The following KCNQ3 variants were observed in gnomAD, a reference collection of about 807,000 sequenced individuals.
KCNQ3 encodes potassium voltage-gated channel subfamily Q member 3.
Under a neutral mutation model 92.5 loss-of-function variants are expected in KCNQ3, and 30 were observed. That is an observed-to-expected ratio of 0.32 (90% CI 0.24 to 0.44). The LOEUF (loss-of-function observed/expected upper bound fraction) is 0.44, where lower values mean the gene tolerates loss of function less well. Ranked by LOEUF, KCNQ3 falls within the 20% of genes least tolerant of loss-of-function variation. The pLI is 1.00. For missense variants in KCNQ3, 913 were observed against 1,140.3 expected, an observed-to-expected ratio of 0.80 and a Z score of 2.87; for synonymous variants, 450 against 468.8, an observed-to-expected ratio of 0.96 and a Z score of 0.52.
At chr8:132,287,741 A>G (rs1016357267) in intron 1 of KCNQ3, among the ~76,000 whole-genome samples, 2 of 152,200 alleles carry the variant, frequency 1.3e-5, no homozygotes, top group East Asian at 3.9e-4. Context: ...GAATAGAAAA[A>G]TTCATAGAGA....
chr8:132,417,854 G>GA (rs1276271327), intron 1 of KCNQ3, among the ~76,000 whole-genome samples: 3 of 152,130 alleles, frequency 2.0e-5, no homozygotes, highest in African/African-American at 4.8e-5. Flanking sequence ...ACAACAACAG[G>GA]AAAAAAACGT....
At chr8:132,440,200 C>T (rs1329505250) in intron 1 of KCNQ3, among the ~76,000 whole-genome samples, 1 of 152,116 alleles carries the variant, frequency 6.6e-6, no homozygotes, top group African/African-American at 2.4e-5. Flanking sequence ...GGTTTGAACT[C>T]TTGGATGCCA....
intron 1 of KCNQ3, among the ~76,000 whole-genome samples, chr8:132,431,719 A>T (rs1026150998): frequency 6.6e-6 from 1 of 152,228 alleles, no homozygotes; most frequent in Non-Finnish European, 1.5e-5. Flanking sequence ...ACATCTGGGG[A>T]TTCTTCACTG....
chr8:132,150,315 C>T (rs1050675827), intron 9 of KCNQ3, among the ~76,000 whole-genome samples: 1 of 152,126 alleles, frequency 6.6e-6, no homozygotes, highest in Non-Finnish European at 1.5e-5. Context: ...TTTGTTTAGC[C>T]TTTGGGTGGC....
chr8:132,249,887 C>T (rs1315865068), intron 1 of KCNQ3, among the ~76,000 whole-genome samples: 2 of 152,196 alleles, frequency 1.3e-5, no homozygotes, highest in African/African-American at 2.4e-5. Context: ...CCCTCCGCAG[C>T]TCCTGGCCCA....
At chr8:132,400,216 C>G (rs1229056673) in intron 1 of KCNQ3, among the ~76,000 whole-genome samples, 5 of 152,168 alleles carry the variant, frequency 3.3e-5, no homozygotes, top group African/African-American at 1.2e-4. Flanking sequence ...CTGGAATCTG[C>G]CTCTTTTGTG....
At chr8:132,413,907 A>G (rs1356406482) in intron 1 of KCNQ3, among the ~76,000 whole-genome samples, 1 of 152,196 alleles carries the variant, frequency 6.6e-6, no homozygotes, top group African/African-American at 2.4e-5. Context: ...CCCATGACAA[A>G]TGAATTCATC....
intron 1 of KCNQ3, among the ~76,000 whole-genome samples, chr8:132,465,514 C>T (rs936253885): frequency 2.0e-5 from 3 of 151,002 alleles, no homozygotes; most frequent in African/African-American, 7.3e-5. Context: ...ATCATAAGGT[C>T]AGGAGGAGAT....
At position 132,175,626 on chromosome 8, in the gene KCNQ3, G is replaced by A; in HGVS notation, c.778-18C>T. The stretch of plus-strand genomic sequence containing the variant: ...ATGAGTTCCTGAAAGAATGAACAGT[G>A]GACATGAAAAGTGGTCACTGGGGAG... On this transcript the variant is annotated intron_variant, in intron 4 of 14. Coordinates refer to ENST00000388996, the MANE Select transcript of KCNQ3 (RefSeq NM_004519.4). 2 of 1,612,972 alleles carry A rather than the reference G, an allele frequency of 1.2e-6. No individual in the cohort carries two copies. The highest frequency in any genetic ancestry group is 1.7e-6 in the Non-Finnish European group (2 of 1,179,416).
At chr8:132,363,137 A>T (rs1223627002) in intron 1 of KCNQ3, among the ~76,000 whole-genome samples, 1 of 152,196 alleles carries the variant, frequency 6.6e-6, no homozygotes, top group Non-Finnish European at 1.5e-5. Context: ...CAAACCAGCC[A>T]CTTGTAGGAG....
chr8:132,299,337 C>T (rs1370860530), intron 1 of KCNQ3, among the ~76,000 whole-genome samples: 1 of 152,072 alleles, frequency 6.6e-6, no homozygotes, highest in African/African-American at 2.4e-5. Context: ...CACACTAATG[C>T]TACTGGATTA....
intron 1 of KCNQ3, among the ~76,000 whole-genome samples, chr8:132,235,167 A>G (rs1420412564): frequency 6.6e-6 from 1 of 152,192 alleles, no homozygotes; most frequent in Non-Finnish European, 1.5e-5. Flanking sequence ...GGAAAAACAC[A>G]TAGCCTTCTG....
At chr8:132,267,610 A>G (rs1377674088) in intron 1 of KCNQ3, among the ~76,000 whole-genome samples, 1 of 152,174 alleles carries the variant, frequency 6.6e-6, no homozygotes, top group Non-Finnish European at 1.5e-5. Flanking sequence ...ACTACTTATC[A>G]ATTTTAAAAC....
Position 132,173,602 on chromosome 8 carries a change from C to T in KCNQ3, c.1044+637G>A, listed in dbSNP as rs192170087. Among the ~76,000 whole-genome samples the T allele has an allele frequency of 1.5e-3, 223 of 152,006 alleles. 1 individual carries two copies. Among genetic ancestry groups the T allele is most frequent in the African/African-American group, 5.1e-3 (211 of 41,470 alleles). On this transcript the variant is annotated intron_variant, in intron 6 of 14. Coordinates refer to ENST00000388996, the MANE Select transcript of KCNQ3 (RefSeq NM_004519.4). ...GAAAAATTGAGATAAAAACAGCACC[C>T]GACCCATAATGTTGCCATGAAGATT...
chr8:132,462,590 G>A lies in KCNQ3; in HGVS notation c.386+17557C>T, dbSNP rs1273571591. 2.4e-4 allele frequency among the ~76,000 whole-genome samples: 36 copies of A among 152,184 alleles called. 1 individual carries two copies. The highest frequency in any genetic ancestry group is 2.4e-3 in the Admixed American group (36 of 15,280). ...TCAACAGTCAGTGAGTGGCAGTGCT[G>A]GAATATGAACTTTTGACCGCATCAC... On this transcript the variant is annotated intron_variant, in intron 1 of 14. Transcript: ENST00000388996.
Position 132,461,612 on chromosome 8 carries a change from C to T in KCNQ3, c.386+18535G>A, listed in dbSNP as rs184862297. On this transcript the variant is annotated intron_variant, in intron 1 of 14. Coordinates refer to ENST00000388996, the MANE Select transcript of KCNQ3 (RefSeq NM_004519.4). ...AAGGCACCCACTGCCTTCCAGGGTGCCTGTACCATTTTTCCATTCCCATCA... is the reference window on the plus strand; with the variant it reads ...AAGGCACCCACTGCCTTCCAGGGTGTCTGTACCATTTTTCCATTCCCATCA... Among the ~76,000 whole-genome samples, 320 of 152,260 alleles carry T rather than the reference C, an allele frequency of 2.1e-3. 6 individuals carry two copies. Among genetic ancestry groups the T allele is most frequent in the Admixed American group, 0.016 (237 of 15,276 alleles).
chr8:132,243,052 C>T (rs1417869916), intron 1 of KCNQ3, among the ~76,000 whole-genome samples: 1 of 152,184 alleles, frequency 6.6e-6, no homozygotes, highest in African/African-American at 2.4e-5. Context: ...ATCCCCATTG[C>T]AGAAGGAACC....
intron 1 of KCNQ3, among the ~76,000 whole-genome samples, chr8:132,231,593 T>C (rs1303005587): frequency 6.6e-6 from 1 of 152,156 alleles, no homozygotes; most frequent in East Asian, 1.9e-4. Context: ...AAAGGGTATA[T>C]GAGAACATAG....
chr8:132,130,761 G>A (rs1240684066), intron 14 of KCNQ3, among the ~76,000 whole-genome samples: 1 of 152,208 alleles, frequency 6.6e-6, no homozygotes, highest in Non-Finnish European at 1.5e-5. Flanking sequence ...AGCAAGAACT[G>A]AGCTTCTCAG....
Sources: allele counts gnomAD v4.1 joint callset (sites outside exome capture counted in the v4.1 genomes callset), GRCh38; gene constraint gnomAD v4.1.1; transcripts MANE v1.5; gene names NCBI Gene and HGNC (gene_info 2026-07-23, HGNC 2026-07-21).